The following KPNA6 variants were observed in gnomAD, a reference collection of about 807,000 sequenced individuals.
KPNA6 encodes the protein karyopherin subunit alpha 6, also known as importin subunit alpha-7.
A neutral mutation model predicts 72.0 loss-of-function variants in KPNA6; 9 were observed. That is an observed-to-expected ratio of 0.13 (90% confidence interval 0.08 to 0.22). The LOEUF is 0.22. Among genes scored for constraint, KPNA6 ranks in the 10% least tolerant of loss-of-function variants. The pLI is 1.00. For synonymous variants in KPNA6, 219 were observed against 242.1 expected (o/e 0.90, Z 0.89); for missense variants, 374 against 655.7 (o/e 0.57, Z 4.69).
chr1:32,137,246 G>A (rs769116362), intron 1 of KPNA6, among the ~76,000 whole-genome samples: 2 of 152,038 alleles, frequency 1.3e-5, no homozygotes, highest in Admixed American at 1.3e-4. Context: ...ATACCAGCAC[G>A]GCTCACTGTA....
intron 1 of KPNA6, among the ~76,000 whole-genome samples, chr1:32,152,231 A>C (rs1411939904): frequency 6.6e-6 from 1 of 152,080 alleles, no homozygotes; most frequent in Non-Finnish European, 1.5e-5. Flanking sequence ...ACTCAGGCTA[A>C]GGCAAGAGAA....
chr1:32,169,046 G>A (rs1178775367), intron 12 of KPNA6, among the ~76,000 whole-genome samples: 1 of 152,060 alleles, frequency 6.6e-6, no homozygotes, highest in East Asian at 1.9e-4. Context: ...TCAACAGGAA[G>A]GTAGAGAGAT....
intron 1 of KPNA6, among the ~76,000 whole-genome samples, chr1:32,108,440 G>T (rs905335584): frequency 4.6e-5 from 7 of 152,260 alleles, no homozygotes; most frequent in Non-Finnish European, 1.0e-4. Flanking sequence ...TCTGTCCTGC[G>T]CCCAGACTGG....
chr1:32,139,538 C>A (rs1641802430), intron 1 of KPNA6, among the ~76,000 whole-genome samples: 1 of 152,128 alleles, frequency 6.6e-6, no homozygotes, highest in African/African-American at 2.4e-5. Flanking sequence ...CTAGACTTAA[C>A]TTCCATTTTA....
chr1:32,153,509 T>C (rs1296095329), intron 1 of KPNA6, among the ~76,000 whole-genome samples: 1 of 146,428 alleles, frequency 6.8e-6, no homozygotes, highest in Admixed American at 7.0e-5. Context: ...TGGCATAGGT[T>C]GCAGTGAGTC....
chr1:32,159,611 G>C lies in KPNA6; in HGVS notation c.558+80G>C, dbSNP rs1220752748. 8.7e-6 allele frequency: 13 copies of C among 1,496,520 alleles called. No homozygotes were observed. In the South Asian group the frequency reaches 1.2e-4, roughly 14 times the overall value. The allele number at this position is 1,496,520 out of a possible 1,614,324, so 92.7% of individuals were successfully genotyped here. On this transcript the variant is annotated intron_variant, in intron 6 of 13. Coordinates refer to ENST00000373625, the MANE Select transcript of KPNA6 (RefSeq NM_012316.5). ...ATATTTGGTCTTTGTCCTGGTTCTT[G>C]GCACAGTGTTAAAACTCTTGGAATT...
At chr1:32,138,543 CAAA>C (rs563911504) in intron 1 of KPNA6, among the ~76,000 whole-genome samples, 2 of 48,936 alleles carry the variant, frequency 4.1e-5, no homozygotes, top group African/African-American at 1.2e-4. Flanking sequence ...AACTCCATCT[CAAA>C]AAAAAAAAAA....
At chr1:32,144,758 C>A (rs1012803184) in intron 1 of KPNA6, among the ~76,000 whole-genome samples, 1 of 151,870 alleles carries the variant, frequency 6.6e-6, no homozygotes, top group Non-Finnish European at 1.5e-5. Flanking sequence ...ACAAGCAGTT[C>A]TCCTGCGTCA....
intron 1 of KPNA6, among the ~76,000 whole-genome samples, chr1:32,108,490 C>G (rs539146728): frequency 7.9e-5 from 12 of 152,362 alleles, no homozygotes; most frequent in Admixed American, 3.3e-4. Context: ...CTGGGCGGCG[C>G]TAAGGTAGCT....
chr1:32,119,005 TATATATATATATATATATATATATA>T (rs1641377513), intron 1 of KPNA6, among the ~76,000 whole-genome samples: 1 of 61,706 alleles, frequency 1.6e-5, no homozygotes, highest in South Asian at 6.9e-4. Context: ...TACATATATA[TATATATATATATATATATATATATA>T]TATTTTTTTT....
At chr1:32,162,078 C>A in intron 8 of KPNA6, 32 bp downstream of exon 8, 1 of 1,521,124 alleles carries the variant, frequency 6.6e-7, no homozygotes, top group South Asian at 1.1e-5. Flanking sequence ...CCCTGAGTGA[C>A]ATCAGGTTCC....
intron 1 of KPNA6, among the ~76,000 whole-genome samples, chr1:32,147,294 T>C (rs1024712662): frequency 7.2e-5 from 11 of 152,142 alleles, no homozygotes; most frequent in Admixed American, 3.9e-4. Flanking sequence ...GCTTTTTGTT[T>C]TGTTTTGTTT....
At chr1:32,108,610 C>T (rs544523374) in intron 1 of KPNA6, among the ~76,000 whole-genome samples, 1 of 152,340 alleles carries the variant, frequency 6.6e-6, no homozygotes, top group African/African-American at 2.4e-5. Flanking sequence ...AGTGAGGGGA[C>T]GTCAGGCGAG....
At chr1:32,160,433 G>C (rs1378826988) in intron 6 of KPNA6, among the ~76,000 whole-genome samples, 182 bp from the exon 7 acceptor site, 3 of 152,192 alleles carry the variant, frequency 2.0e-5, no homozygotes, top group African/African-American at 7.2e-5. Context: ...CCCAGGGATA[G>C]GTCATTGTAG....
Position 32,168,413 on chromosome 1 carries a change from C to G in KPNA6, c.1244+1117C>G, listed in dbSNP as rs74508859. Among the ~76,000 whole-genome samples, 79 of 152,296 alleles carry G rather than the reference C, an allele frequency of 5.2e-4. 2 individuals carry two copies. The East Asian group carries it at 0.014, about 26-fold the overall frequency. On this transcript the variant is annotated intron_variant, in intron 12 of 13. Coordinates refer to ENST00000373625, the MANE Select transcript of KPNA6 (RefSeq NM_012316.5). ...ACCATGTTAGCAGGCTGGTCTTGAACTCCTGATGTCAGATGATCCTCCCAC... is the reference window on the plus strand; with the variant it reads ...ACCATGTTAGCAGGCTGGTCTTGAAGTCCTGATGTCAGATGATCCTCCCAC...
chr1:32,167,356 G>C, intron 12 of KPNA6, 60 bp downstream of exon 12: 1 of 1,602,872 alleles, frequency 6.2e-7, no homozygotes. Context: ...GTTTGCTCAT[G>C]GTTTACAGGT....
chr1:32,162,689 G>T (rs1051875284), intron 9 of KPNA6, among the ~76,000 whole-genome samples, 165 bp downstream of exon 9: 5 of 151,472 alleles, frequency 3.3e-5, no homozygotes, highest in Admixed American at 2.0e-4. Context: ...ACAAAAATTA[G>T]CTGGGCGCAG....
At chr1:32,134,998 C>T (rs1641708069) in intron 1 of KPNA6, among the ~76,000 whole-genome samples, 1 of 151,326 alleles carries the variant, frequency 6.6e-6, no homozygotes, top group Non-Finnish European at 1.5e-5. Context: ...CTCTGCTTTC[C>T]AGGTTCGAGC....
rs572344677 is a variant in KPNA6, at chr1:32,133,155, A to AGT, written c.5-21433_5-21432insGT. 2.0e-3 allele frequency among the ~76,000 whole-genome samples: 306 copies of AGT among 151,708 alleles called. 1 individual carries two copies. The highest frequency in any genetic ancestry group is 6.8e-3 in the African/African-American group (282 of 41,392). On this transcript the variant is annotated intron_variant, in intron 1 of 13. Coordinates refer to ENST00000373625, the MANE Select transcript of KPNA6 (RefSeq NM_012316.5). ...GCCCAGGAATTTGAGACTAGCCTGG[A>AGT]AAACATGTTGAAACCTCATCTCTAC...
Sources: gnomAD v4.1 joint callset for allele counts (sites outside exome capture counted in the v4.1 genomes callset) on GRCh38, gnomAD v4.1.1 for gene constraint, MANE v1.5 for transcripts, NCBI Gene and HGNC (gene_info 2026-07-23, HGNC 2026-07-21) for gene names.